EXD3: variants seen among roughly 807,000 people sequenced by gnomAD.
EXD3 encodes the protein exonuclease mut-7 homolog.
A neutral mutation model predicts 98.0 loss-of-function variants in EXD3; 92 were observed. That is an observed-to-expected ratio of 0.94 (90% CI 0.79 to 1.12). The LOEUF (loss-of-function observed/expected upper bound fraction) is 1.12. Among genes scored for constraint, EXD3 ranks in the 50% most tolerant of loss-of-function variants. The pLI, the probability that EXD3 is intolerant of heterozygous loss-of-function variation, is 0.00. For synonymous variants in EXD3, 569 were observed against 526.0 expected (o/e 1.08, Z -1.12); for missense variants, 1,222 against 1,191.6 (o/e 1.03, Z -0.38).
chr9:137,388,672 G>C (rs1196069182), intron 2 of EXD3, among the ~76,000 whole-genome samples: 8 of 152,284 alleles, frequency 5.3e-5, no homozygotes, highest in Non-Finnish European at 8.8e-5. Flanking sequence ...CCGGCCTCCA[G>C]GCAGGAAGTC....
rs1043463740 is a variant in EXD3 at position 137,407,061 on chromosome 9, C to A, written c.-47-11657G>T. Among the ~76,000 whole-genome samples the A allele has an allele frequency of 6.6e-6, 1 of 152,192 alleles. No homozygotes were observed. The highest frequency in any genetic ancestry group is 1.5e-5 in the Non-Finnish European group (1 of 68,026). On this transcript the variant is annotated intron_variant, in intron 1 of 21. Coordinates refer to ENST00000340951, the MANE Select transcript of EXD3 (RefSeq NM_017820.5). This position sits in a 1 kb window ranked among gnomAD's most constrained non-coding sequence, Gnocchi z 4.4. ...CAGAACGCTCGCCAGCAAACCCGCC[C>A]GTTCACAGAGGCACCGGAGCGGGCG...
intron 14 of EXD3, among the ~76,000 whole-genome samples, chr9:137,350,123 TC>T (rs1834188221): frequency 3.6e-5 from 2 of 56,256 alleles, no homozygotes; most frequent in African/African-American, 2.0e-4. Flanking sequence ...CGGGGAGGGT[TC>T]TAGATAGAGA....
chr9:137,379,933 C>T (rs539849170), intron 3 of EXD3, among the ~76,000 whole-genome samples: 9 of 152,162 alleles, frequency 5.9e-5, no homozygotes, highest in East Asian at 1.9e-4. Context: ...GTGCCCACGT[C>T]GGCCAGCGCA....
chr9:137,366,068 TCCATACAGGCA>T (rs1274782893), intron 7 of EXD3: 2 of 680,918 alleles, frequency 2.9e-6, no homozygotes, highest in South Asian at 3.0e-5. Flanking sequence ...CTTCCCTGAA[TCCATACAGGCA>T]CCATATGGGC....
At chr9:137,307,319 G>C in intron 21 of EXD3, 56 bp from the exon 22 acceptor site, 1 of 1,443,762 alleles carries the variant, frequency 6.9e-7, no homozygotes, top group Non-Finnish European at 9.1e-7. Context: ...CGGCCCCCAG[G>C]CTGCTCCCAG....
intron 3 of EXD3, chr9:137,374,949 G>T: frequency 2.9e-6 from 2 of 697,684 alleles, no homozygotes; most frequent in Non-Finnish European, 1.8e-6. Context: ...TAGCCCTAAT[G>T]AGTTATAGCT....
chr9:137,331,987 AACAC>A (rs373326740), intron 17 of EXD3, among the ~76,000 whole-genome samples: 3 of 151,266 alleles, frequency 2.0e-5, no homozygotes, highest in African/African-American at 4.8e-5. Flanking sequence ...GCGCAACGAC[AACAC>A]ACACACACAC....
chr9:137,357,753 T>TAC (rs1834867783), intron 7 of EXD3, among the ~76,000 whole-genome samples: 1 of 150,246 alleles, frequency 6.7e-6, no homozygotes, highest in African/African-American at 2.4e-5. Flanking sequence ...TGTATATATA[T>TAC]ATAAAGGTGA....
rs1217010429 is a variant in EXD3, at chr9:137,403,669, C to T, written c.-47-8265G>A. 6.6e-6 allele frequency among the ~76,000 whole-genome samples: 1 copy of T among 152,148 alleles called. No individual in the cohort carries two copies. Among genetic ancestry groups the T allele is most frequent in the African/African-American group, 2.4e-5 (1 of 41,426 alleles). Reference sequence around the variant, plus strand: ...TTAATTGGCCTTGGGGGAGATGGACCAGCAGGCCCGAGATCCAGGGTCTTA... The same window carrying T: ...TTAATTGGCCTTGGGGGAGATGGACTAGCAGGCCCGAGATCCAGGGTCTTA... On this transcript the variant is annotated intron_variant, in intron 1 of 21. Coordinates refer to ENST00000340951, the MANE Select transcript of EXD3 (RefSeq NM_017820.5). The surrounding 1 kb of genome is among the most constrained non-coding windows in gnomAD (Gnocchi z 6.1).
intron 16 of EXD3, among the ~76,000 whole-genome samples, 180 bp downstream of exon 16, chr9:137,348,930 G>GC (rs1267905390): frequency 6.6e-6 from 1 of 152,002 alleles, no homozygotes; most frequent in African/African-American, 2.4e-5. Context: ...GGCAAGCGCA[G>GC]CCCCCGTGAC....
At chr9:137,320,724 C>T (rs1831986737) in intron 19 of EXD3, among the ~76,000 whole-genome samples, 1 of 152,208 alleles carries the variant, frequency 6.6e-6, no homozygotes, top group South Asian at 2.1e-4. Context: ...GGCGGCCCCT[C>T]CATGCCTGGC....
intron 3 of EXD3, among the ~76,000 whole-genome samples, chr9:137,376,055 A>G (rs1293750639): frequency 6.6e-6 from 1 of 152,122 alleles, no homozygotes; most frequent in African/African-American, 2.4e-5. Flanking sequence ...TAGAAATGCA[A>G]TGATAGTGGC....
rs549456272 is a variant in EXD3 at position 137,396,340 on chromosome 9, G to A, written c.-47-936C>T. On this transcript the variant is annotated intron_variant, in intron 1 of 21. Transcript: ENST00000340951. The stretch of plus-strand genomic sequence containing the variant: ...CACCCTTCTCCTTCAGTCTGCTTAC[G>A]CAAGGCTGCATAAAAAGGCTTTCTC... Among the ~76,000 whole-genome samples the A allele has an allele frequency of 3.9e-5, 6 of 152,288 alleles. No individual in the cohort carries two copies. The South Asian group carries it at 1.0e-3, about 26-fold the overall frequency.
chr9:137,320,183 G>A (rs555825047), intron 19 of EXD3, among the ~76,000 whole-genome samples: 6 of 152,334 alleles, frequency 3.9e-5, no homozygotes, highest in South Asian at 4.1e-4. Context: ...GCCCCTGGCC[G>A]GGCAGTCCGT....
rs886594507 is a variant in EXD3, at chr9:137,355,406, C to G, written c.758-633G>C. Among the ~76,000 whole-genome samples the G allele has an allele frequency of 2.0e-3, 117 of 57,310 alleles. 7 individuals carry two copies. The highest frequency in any genetic ancestry group is 4.0e-3 in the Non-Finnish European group (98 of 24,390). The allele number at this position is 57,310 out of a possible 152,430, so 37.6% of individuals were successfully genotyped here. ...ACGGGGAGCCGGGCGACCATCTGCC[C>G]TGAGGCAGGGAGGAAGGAGGAAGGA... On this transcript the variant is annotated intron_variant, in intron 8 of 21. Coordinates refer to ENST00000340951, the MANE Select transcript of EXD3 (RefSeq NM_017820.5).
intron 17 of EXD3, among the ~76,000 whole-genome samples, chr9:137,325,701 G>A (rs1241713289): frequency 6.6e-6 from 1 of 152,086 alleles, no homozygotes; most frequent in African/African-American, 2.4e-5. Context: ...CTAAAGTGCT[G>A]GGATTACAGG....
In EXD3 at chr9:137,393,011, G is replaced by A. The variant is rs1273535798; in HGVS notation, c.55+2292C>T. 12 of 623,466 alleles carry A rather than the reference G, an allele frequency of 1.9e-5. No individual in the cohort carries two copies. Among genetic ancestry groups the A allele is most frequent in the Admixed American group, 4.9e-5 (2 of 40,762 alleles). 38.6% of individuals were successfully genotyped at this position (623,466 alleles called of 1,614,324 possible). A position where few individuals can be genotyped will look rare whatever the true frequency, so the allele number is the denominator to read the frequency against. ...CGAGGCTGTTCTCGGTGGGGGTGCC[G>A]TGTCTGTTCCAGGGAGGGCCATTAG... is the stretch of plus-strand genomic sequence containing the variant. On this transcript the variant is annotated intron_variant, in intron 2 of 21. Transcript: ENST00000340951. The surrounding 1 kb of genome is among the most constrained non-coding windows in gnomAD (Gnocchi z 4.6).
chr9:137,407,431 C>T lies in EXD3; in HGVS notation c.-47-12027G>A, dbSNP rs1837776710. Reference sequence around the variant, plus strand: ...GGGGCCATCTGCCCCCGGCTCACCGCAGGCCCTTTCCTGGGGGCCTCTGTG... The same window carrying T: ...GGGGCCATCTGCCCCCGGCTCACCGTAGGCCCTTTCCTGGGGGCCTCTGTG... On this transcript the variant is annotated intron_variant, in intron 1 of 21. Transcript: ENST00000340951. This position sits in a 1 kb window ranked among gnomAD's most constrained non-coding sequence, Gnocchi z 4.4. Among the ~76,000 whole-genome samples, 1 of 152,248 alleles carries T rather than the reference C, an allele frequency of 6.6e-6. No homozygotes were observed. The highest frequency in any genetic ancestry group is 6.5e-5 in the Admixed American group (1 of 15,290).
intron 1 of EXD3, among the ~76,000 whole-genome samples, chr9:137,422,085 C>A (rs1482314925): frequency 6.7e-6 from 1 of 148,170 alleles, no homozygotes; most frequent in Non-Finnish European, 1.5e-5. Flanking sequence ...CCCTGTAATG[C>A]CATTCCAATT....
Sources: gnomAD v4.1 joint callset for allele counts (sites outside exome capture counted in the v4.1 genomes callset) on GRCh38, gnomAD v4.1.1 for gene constraint, Gnocchi (gnomAD v3.1) non-coding constraint, MANE v1.5 for transcripts, NCBI Gene and HGNC (gene_info 2026-07-23, HGNC 2026-07-21) for gene names.